The following SEM1 variants were observed in gnomAD, a reference collection of about 807,000 sequenced individuals.
SEM1 encodes the protein SEM1 26S proteasome subunit.
In SEM1, 3 loss-of-function variants were observed where a neutral mutation model predicts 12.7. The observed-to-expected ratio is 0.24, with a 90% CI of 0.11 to 0.61. The LOEUF is 0.61. Ranked by LOEUF, SEM1 falls within the 20% of genes least tolerant of loss-of-function variation. The pLI, the probability that SEM1 is intolerant of heterozygous loss-of-function variation, is 0.88. For synonymous variants in SEM1, 30 were observed against 27.8 expected (o/e 1.08, Z -0.25); for missense variants, 59 against 81.3 (o/e 0.73, Z 1.06).
At position 96,694,991 on chromosome 7, in the gene SEM1, A is replaced by T. The variant is rs1025889604; in HGVS notation, c.77-100T>A. ...TGCTACTGAACACTCACAATTCAAAAACAGCTAAAACCATATCTATGAAAA... is the reference window on the plus strand; with the variant it reads ...TGCTACTGAACACTCACAATTCAAATACAGCTAAAACCATATCTATGAAAA... On this transcript the variant is annotated intron_variant, in intron 1 of 2. Coordinates refer to ENST00000248566, the MANE Select transcript of SEM1 (RefSeq NM_006304.2). 5.7e-5 allele frequency: 43 copies of T among 755,988 alleles called. No homozygotes were observed. The East Asian group carries it at 1.1e-3, about 19-fold the overall frequency. The allele number at this position is 755,988 out of a possible 1,614,324, so 46.8% of individuals were successfully genotyped here. A position where few individuals can be genotyped will look rare whatever the true frequency, so the allele number is the denominator to read the frequency against.
intron 3 of SEM1, among the ~76,000 whole-genome samples, chr7:96,501,682 A>G (rs936321729): frequency 6.6e-6 from 1 of 152,180 alleles, no homozygotes; most frequent in South Asian, 2.1e-4. Context: ...TATTATCATT[A>G]TTATGTGTGC....
At chr7:96,617,779 G>C (rs139773855), downstream of SEM1, among the ~76,000 whole-genome samples, 1 of 152,056 alleles carries the variant, frequency 6.6e-6, no homozygotes, top group Non-Finnish European at 1.5e-5. Flanking sequence ...TACTTTTTCT[G>C]CATATATTGA....
Position 96,574,256 on chromosome 7 carries a change from G to A in SEM1, c.171-67558C>T, listed in dbSNP as rs563834435. 5.3e-3 allele frequency among the ~76,000 whole-genome samples: 800 copies of A among 152,238 alleles called. 11 individuals carry two copies. The highest frequency in any genetic ancestry group is 0.018 in the African/African-American group (765 of 41,518). The stretch of plus-strand genomic sequence containing the variant: ...CAGCTTCATCCATATCCCTACAAAG[G>A]ACATGAACTCATCATTTTTTATGGC... On this transcript the variant is annotated intron_variant and NMD_transcript_variant, in intron 2 of 3. Coordinates refer to the SEM1 transcript ENST00000466986.
chr7:96,511,356 A>T (rs1465651764), intron 2 of SEM1, among the ~76,000 whole-genome samples: 1 of 152,156 alleles, frequency 6.6e-6, no homozygotes, highest in African/African-American at 2.4e-5. Flanking sequence ...TAATCAGTTT[A>T]AGAGAGGTAT....
intron 2 of SEM1, among the ~76,000 whole-genome samples, chr7:96,537,267 T>A (rs745944018): frequency 6.6e-6 from 1 of 151,738 alleles, no homozygotes; most frequent in Non-Finnish European, 1.5e-5. Flanking sequence ...AATCACCGAA[T>A]GCATTGTTAG....
intron 2 of SEM1, among the ~76,000 whole-genome samples, chr7:96,539,933 G>C (rs1196006935): frequency 6.7e-6 from 1 of 150,220 alleles, no homozygotes; most frequent in Non-Finnish European, 1.5e-5. Context: ...AAAAGTAATA[G>C]CAAAACCTGC....
rs1802779011 is a variant in SEM1 at position 96,486,552 on chromosome 7, A to G, written c.13-135T>C. 5.8e-6 allele frequency: 4 copies of G among 689,600 alleles called. No individual in the cohort carries two copies. In the South Asian group the frequency reaches 7.5e-5, roughly 13 times the overall value. The allele number at this position is 689,600 out of a possible 1,614,324, so 42.7% of individuals were successfully genotyped here. Reference sequence around the variant, plus strand: ...CAGCCTCCTTGAGTGAGGTGGGGAAACCAAAAGCAGTGTAAGAGCAGGGGC... The same window carrying G: ...CAGCCTCCTTGAGTGAGGTGGGGAAGCCAAAAGCAGTGTAAGAGCAGGGGC... On this transcript the variant is annotated intron_variant, in intron 1 of 3. Coordinates refer to the SEM1 transcript ENST00000356686.
downstream of SEM1, among the ~76,000 whole-genome samples, chr7:96,619,643 G>T (rs1374568013): frequency 2.6e-5 from 4 of 152,070 alleles, no homozygotes. Context: ...CAGACCTCTG[G>T]GCAGTTGGTG....
chr7:96,523,543 T>C (rs1804350918), intron 2 of SEM1, among the ~76,000 whole-genome samples: 1 of 152,148 alleles, frequency 6.6e-6, no homozygotes, highest in Admixed American at 6.6e-5. Flanking sequence ...GTTCCCCACA[T>C]CACTCTGATC....
At chr7:96,569,869 C>CT (rs1369468407) in intron 2 of SEM1, among the ~76,000 whole-genome samples, 4 of 151,996 alleles carry the variant, frequency 2.6e-5, no homozygotes, top group Non-Finnish European at 5.9e-5. Context: ...AGACATGATT[C>CT]TTTTTTATGG....
chr7:96,516,390 A>T (rs184601102), intron 2 of SEM1, among the ~76,000 whole-genome samples: 1 of 152,298 alleles, frequency 6.6e-6, no homozygotes, highest in East Asian at 1.9e-4. Flanking sequence ...CCTGTTAGTC[A>T]GAAAACAACC....
chr7:96,595,338 C>T (rs529646172), intron 2 of SEM1, among the ~76,000 whole-genome samples: 11 of 152,120 alleles, frequency 7.2e-5, no homozygotes, highest in African/African-American at 2.4e-4. Context: ...CATGGCAAAA[C>T]CCCATCTCTA....
intron 2 of SEM1, among the ~76,000 whole-genome samples, chr7:96,693,214 T>C (rs1035903081): frequency 1.3e-5 from 2 of 152,090 alleles, no homozygotes; most frequent in Non-Finnish European, 2.9e-5. Context: ...ACTAGTAAAT[T>C]AGAAGACTGG....
rs553011704 is a variant in SEM1 at position 96,666,816 on chromosome 7, G to A, written c.170+27982C>T. Among the ~76,000 whole-genome samples, 18 of 152,004 alleles carry A rather than the reference G, an allele frequency of 1.2e-4. No homozygotes were observed. The South Asian group carries it at 3.8e-3, about 32-fold the overall frequency. On this transcript the variant is annotated intron_variant, in intron 2 of 2. Transcript: ENST00000417009. The stretch of plus-strand genomic sequence containing the variant: ...GATACTGTAGATGTTCTTGATGCAA[G>A]GCCTATGTTCGTCCGGATCCCTGCA...
intron 2 of SEM1, among the ~76,000 whole-genome samples, chr7:96,561,167 A>G (rs955383466): frequency 3.3e-5 from 5 of 152,184 alleles, no homozygotes; most frequent in South Asian, 2.1e-4. Flanking sequence ...GAAAATTAGA[A>G]CTTTCATAGC....
rs78202074 is a variant in SEM1, at chr7:96,655,678, G to A, written c.171-33035C>T. Among the ~76,000 whole-genome samples the A allele has an allele frequency of 2.4e-3, 361 of 152,074 alleles. 2 individuals are homozygous for A. The highest frequency in any genetic ancestry group is 8.3e-3 in the African/African-American group (345 of 41,470). ...TATCATGATAATGAACAAACCGATCGCTCCCAAAACTGTCCCCATACCCCT... is the reference window on the plus strand; with the variant it reads ...TATCATGATAATGAACAAACCGATCACTCCCAAAACTGTCCCCATACCCCT... On this transcript the variant is annotated intron_variant, in intron 2 of 2. Transcript: ENST00000417009.
chr7:96,501,868 A>G (rs1018238962), intron 3 of SEM1, among the ~76,000 whole-genome samples: 1 of 152,060 alleles, frequency 6.6e-6, no homozygotes, highest in African/African-American at 2.4e-5. Flanking sequence ...AACCCTGACC[A>G]TCCCCCTCCC....
At chr7:96,494,431 TAAAGAGA>T (rs1803157069) in intron 1 of SEM1, among the ~76,000 whole-genome samples, 1 of 148,866 alleles carries the variant, frequency 6.7e-6, no homozygotes, top group African/African-American at 2.5e-5. Context: ...GTCCAGTTAA[TAAAGAGA>T]TTTTTTTTTT....
At chr7:96,596,747 G>T (rs1807009762) in intron 2 of SEM1, among the ~76,000 whole-genome samples, 1 of 152,158 alleles carries the variant, frequency 6.6e-6, no homozygotes, top group African/African-American at 2.4e-5. Flanking sequence ...CTGGAAAAAT[G>T]ATCCAGAGCT....
Sources: allele counts gnomAD v4.1 joint callset (sites outside exome capture counted in the v4.1 genomes callset), GRCh38; gene constraint gnomAD v4.1.1; transcripts MANE v1.5; gene names NCBI Gene and HGNC (gene_info 2026-07-23, HGNC 2026-07-21).